Variants in BLTP1 observed in about 807,000 individuals in gnomAD.
The protein encoded by BLTP1 is bridge-like lipid transfer protein family member 1.
At chr4:122,303,129 A>G in the BLTP1 span, among the ~76,000 whole-genome samples, 2 of 152,216 alleles carry the variant, frequency 1.3e-5, no homozygotes, top group Non-Finnish European at 2.9e-5. Context: ...GACTCTTGTT[A>G]GGGTCAAATG....
the BLTP1 span, chr4:122,234,683 C>G: frequency 7.8e-7 from 1 of 1,287,596 alleles, no homozygotes; most frequent in South Asian, 1.6e-5. Context: ...TTACAATTAA[C>G]TTATATTTAA....
chr4:122,207,592 T>C, the BLTP1 span: 1 of 1,611,644 alleles, frequency 6.2e-7, no homozygotes, highest in South Asian at 1.1e-5. Context: ...TCTTTGCCTT[T>C]TACGGACTTT....
the BLTP1 span, among the ~76,000 whole-genome samples, chr4:122,166,887 G>A: frequency 1.3e-5 from 2 of 152,120 alleles, no homozygotes; most frequent in Non-Finnish European, 2.9e-5. Flanking sequence ...TCATTTTTAT[G>A]TTTAGTCTGT....
At chr4:122,306,134 T>C in the BLTP1 span, 5 of 1,292,930 alleles carry the variant, frequency 3.9e-6, no homozygotes, top group East Asian at 8.0e-5. Flanking sequence ...CTGGTGTAAA[T>C]GCTTGACAGC....
At chr4:122,361,935 G>A in the BLTP1 span, 1 of 1,406,122 alleles carries the variant, frequency 7.1e-7, no homozygotes, top group Non-Finnish European at 9.4e-7. Context: ...TTTGTCTTGA[G>A]TATATTATAG....
chr4:122,270,345 T>C, the BLTP1 span: 1 of 984,620 alleles, frequency 1.0e-6, no homozygotes. Context: ...GAGGGAAAAA[T>C]ACCTTTTTAC....
chr4:122,210,100 G>A, the BLTP1 span: 11 of 815,754 alleles, frequency 1.3e-5, no homozygotes, highest in Non-Finnish European at 1.6e-5. Flanking sequence ...TGTGTCAAAT[G>A]TTGGGCCAAG....
At chr4:122,314,374 C>T in the BLTP1 span, among the ~76,000 whole-genome samples, 1 of 151,954 alleles carries the variant, frequency 6.6e-6, no homozygotes, top group Non-Finnish European at 1.5e-5. Context: ...TGTTTCTGAA[C>T]AAGAAGGCAA....
chr4:122,348,584 T>G, the BLTP1 span: 1 of 1,598,742 alleles, frequency 6.3e-7, no homozygotes. Context: ...TTCAAAAACA[T>G]CAACTCCTTT....
the BLTP1 span, chr4:122,347,890 A>T: frequency 3.1e-6 from 2 of 640,620 alleles, no homozygotes; most frequent in Non-Finnish European, 4.9e-6. Flanking sequence ...TGAGGTTTTT[A>T]TGACACGTCA....
chr4:122,181,459 A>C, the BLTP1 span, among the ~76,000 whole-genome samples: 2 of 152,010 alleles, frequency 1.3e-5, no homozygotes, highest in Non-Finnish European at 1.5e-5. Context: ...TAGGCTTCTA[A>C]TTTTTCCACC....
At chr4:122,339,371 T>G in the BLTP1 span, 1 of 1,613,210 alleles carries the variant, frequency 6.2e-7, no homozygotes, top group South Asian at 1.1e-5. Context: ...CTACTCAGAG[T>G]GGAACAAAGA....
the BLTP1 span, chr4:122,281,622 A>G: frequency 1.2e-6 from 2 of 1,613,588 alleles, no homozygotes; most frequent in Non-Finnish European, 1.7e-6. Flanking sequence ...GTTGAAACAA[A>G]TGAATTTCCT....
the BLTP1 span, chr4:122,224,146 A>G: frequency 9.0e-5 from 84 of 928,732 alleles, no homozygotes; most frequent in Non-Finnish European, 1.1e-4. Flanking sequence ...TTTTAATCTC[A>G]TGATTCTTAG....
chr4:122,192,726 T>C, the BLTP1 span, among the ~76,000 whole-genome samples: 26 of 152,140 alleles, frequency 1.7e-4, 1 homozygote, highest in Admixed American at 1.7e-3. Flanking sequence ...GTTGGGACTA[T>C]GGGAATTCAG....
chr4:122,200,414 C>T, the BLTP1 span: 61 of 552,572 alleles, frequency 1.1e-4, no homozygotes, highest in Non-Finnish European at 1.3e-4. Flanking sequence ...CCTGCCTCTA[C>T]TAAAAATACA....
chr4:122,306,764 G>T, the BLTP1 span: 1 of 743,262 alleles, frequency 1.3e-6, no homozygotes, highest in Non-Finnish European at 1.6e-6. Context: ...AGGCTGAACA[G>T]GTAGACAAGG....
At chr4:122,210,933 G>C in the BLTP1 span, 1 of 1,613,406 alleles carries the variant, frequency 6.2e-7, no homozygotes, top group South Asian at 1.1e-5. Flanking sequence ...GGCCATCCCA[G>C]AAGACATCAG....
At chr4:122,173,406 T>TGCTC in the BLTP1 span, among the ~76,000 whole-genome samples, 1 of 152,166 alleles carries the variant, frequency 6.6e-6, no homozygotes, top group Non-Finnish European at 1.5e-5. Flanking sequence ...TGAGCTTGCT[T>TGCTC]GCTCAGGTCT....
Sources: allele counts gnomAD v4.1 joint callset (sites outside exome capture counted in the v4.1 genomes callset), GRCh38; gene constraint gnomAD v4.1.1; transcripts MANE v1.5; gene names NCBI Gene and HGNC (gene_info 2026-07-23, HGNC 2026-07-21).